The following TM2D3 variants were observed in gnomAD, a reference collection of about 807,000 sequenced individuals.
The protein encoded by TM2D3 is TM2 domain containing 3.
A neutral mutation model predicts 27.3 loss-of-function variants in TM2D3; 33 were observed. The ratio of observed to expected loss-of-function variants is 1.21; its 90% CI spans 0.92 to 1.61. The LOEUF (loss-of-function observed/expected upper bound fraction) is 1.61, where lower values mean the gene tolerates loss of function less well. Ranked by LOEUF, TM2D3 falls within the 40% of genes most tolerant of loss-of-function variation. The pLI, the probability that TM2D3 is intolerant of heterozygous loss-of-function variation, is 0.00. For synonymous variants in TM2D3, 138 were observed against 122.2 expected (o/e 1.13, Z -0.85); for missense variants, 364 against 320.8 (o/e 1.13, Z -1.03).
chr15:101,646,434 T>C (rs1056646993), intron 4 of TM2D3: 46 of 182,716 alleles, frequency 2.5e-4, no homozygotes, highest in Non-Finnish European at 4.6e-4. Context: ...GCCGCAATGG[T>C]ATTGGTGCTG....
At chr15:101,643,484 C>T (rs1896720325) in intron 5 of TM2D3, among the ~76,000 whole-genome samples, 1 of 151,672 alleles carries the variant, frequency 6.6e-6, no homozygotes, top group Non-Finnish European at 1.5e-5. Flanking sequence ...CGCCTGTAGT[C>T]CCAGCTGCTC....
intron 4 of TM2D3, 100 bp from the exon 5 acceptor site, chr15:101,645,262 A>G: frequency 1.0e-6 from 1 of 991,018 alleles, no homozygotes; most frequent in Non-Finnish European, 1.5e-6. Context: ...GTGAAAAGTC[A>G]ACTCTCTTTA....
chr15:101,642,342 TCTTAC>T lies in TM2D3; in HGVS notation c.*132_*136del. On this transcript the variant is annotated 3_prime_UTR_variant, in exon 6 of 6. Coordinates refer to ENST00000333202, the MANE Select transcript of TM2D3 (RefSeq NM_078474.3). ...TTAGCATAGTTCAGCGTTTCATTTA[TCTTAC>T]CTTTATCAAGGCAAACAAAGTACAG... 7.4e-7 allele frequency: 1 copy of T among 1,347,456 alleles called. No individual in the cohort carries two copies. The highest frequency in any genetic ancestry group is 9.6e-7 in the Non-Finnish European group (1 of 1,046,306). 83.5% of individuals were successfully genotyped at this position (1,347,456 alleles called of 1,614,324 possible).
intron 4 of TM2D3, 125 bp downstream of exon 4, chr15:101,646,600 A>G: frequency 1.0e-6 from 1 of 996,348 alleles, no homozygotes. Flanking sequence ...TGCTTGGCAC[A>G]TCTAAAGAGC....
chr15:101,638,792 T>C (rs1307605293), downstream of TM2D3, among the ~76,000 whole-genome samples: 1 of 152,190 alleles, frequency 6.6e-6, no homozygotes, highest in Non-Finnish European at 1.5e-5. Flanking sequence ...GGTGCTGGCT[T>C]TTCCTACAGT....
chr15:101,636,386 G>A (rs2141356076), intron 4 of TM2D3: 1 of 152,270 alleles, frequency 6.6e-6, no homozygotes, highest in Non-Finnish European at 1.5e-5. Context: ...CTTTTATAAA[G>A]ACAAAAAGGA....
downstream of TM2D3, chr15:101,641,701 A>G (rs1490242918): frequency 1.0e-5 from 2 of 196,098 alleles, no homozygotes; most frequent in Non-Finnish European, 1.8e-5. Flanking sequence ...ACATTTATAT[A>G]TTTCCACTGT....
downstream of TM2D3, chr15:101,636,999 C>T (rs576248356): frequency 2.8e-4 from 95 of 333,434 alleles, no homozygotes; most frequent in Middle Eastern, 1.9e-3. Context: ...TCAAGAGGTC[C>T]TAAGAACATG....
chr15:101,643,790 C>T (rs1896733908), intron 5 of TM2D3, among the ~76,000 whole-genome samples: 1 of 151,858 alleles, frequency 6.6e-6, no homozygotes. Flanking sequence ...TTCCAAGTTT[C>T]AAACATTTAT....
Position 101,650,179 on chromosome 15 carries a change from G to A in TM2D3, c.170-18C>T, listed in dbSNP as rs62027585. ...AGTACTTTCTGTGAGAGGCAAGAGA[G>A]AAGCTTATTCTCCTATAATACTGAT... On this transcript the variant is annotated intron_variant, in intron 2 of 5. Coordinates refer to ENST00000333202, the MANE Select transcript of TM2D3 (RefSeq NM_078474.3). 71,023 of 1,609,376 alleles carry A rather than the reference G, an allele frequency of 0.044. 1,833 individuals carry two copies. Among genetic ancestry groups the A allele is most frequent in the Non-Finnish European group, 0.052 (61,665 of 1,177,530 alleles).
chr15:101,640,003 A>C (rs1305213835), downstream of TM2D3, among the ~76,000 whole-genome samples: 3 of 152,210 alleles, frequency 2.0e-5, no homozygotes, highest in African/African-American at 7.2e-5. Flanking sequence ...TCTTAAGGGG[A>C]AATCATGACA....
chr15:101,641,270 C>T (rs903475110), downstream of TM2D3, among the ~76,000 whole-genome samples: 6 of 107,758 alleles, frequency 5.6e-5, no homozygotes, highest in Non-Finnish European at 1.1e-4. Context: ...ACAAGTTCCT[C>T]GTAAACAAAA....
At chr15:101,646,609 G>A in intron 4 of TM2D3, 116 bp downstream of exon 4, 1 of 1,087,680 alleles carries the variant, frequency 9.2e-7, no homozygotes, top group Non-Finnish European at 1.4e-6. Flanking sequence ...CATCTAAAGA[G>A]CTGCTGATAA....
chr15:101,634,142 G>A (rs895952395), intron 4 of TM2D3: 3 of 154,562 alleles, frequency 1.9e-5, no homozygotes, highest in African/African-American at 7.2e-5. Context: ...CAATAGAAAT[G>A]TCCAGTCTGG....
intron 1 of TM2D3, chr15:101,651,975 A>G (rs1427795523): frequency 3.3e-6 from 2 of 603,892 alleles, no homozygotes; most frequent in Non-Finnish European, 5.8e-6. Context: ...GCAACGAGGG[A>G]CCGAAGGATG....
intron 4 of TM2D3, chr15:101,635,532 CAG>C: frequency 6.6e-6 from 1 of 152,232 alleles, no homozygotes; most frequent in East Asian, 1.9e-4. Flanking sequence ...TTGTGTGAAA[CAG>C]TGAATAAAGC....
In TM2D3 at chr15:101,650,257, T is replaced by C. The variant is rs912526771; in HGVS notation, c.170-96A>G. On this transcript the variant is annotated intron_variant, in intron 2 of 5. Transcript: ENST00000333202. ...GTTAAGAGACGTGATCATTAGCAAG[T>C]AGACACTGCACTGGAAGGGAAGAAG... is the stretch of plus-strand genomic sequence containing the variant. The C allele has an allele frequency of 5.6e-6, 7 of 1,245,804 alleles. 1 individual carries two copies. The South Asian group carries it at 7.4e-5, about 13-fold the overall frequency. The allele number at this position is 1,245,804 out of a possible 1,614,324, so 77.2% of individuals were successfully genotyped here.
chr15:101,641,567 C>T (rs760804921), downstream of TM2D3, among the ~76,000 whole-genome samples: 3 of 152,114 alleles, frequency 2.0e-5, no homozygotes, highest in African/African-American at 7.2e-5. Context: ...ACTCAGATAC[C>T]CACATTTGAA....
intron 5 of TM2D3, among the ~76,000 whole-genome samples, chr15:101,643,057 A>G (rs1430589659): frequency 6.6e-6 from 1 of 152,132 alleles, no homozygotes; most frequent in Admixed American, 6.5e-5. Flanking sequence ...ATTCATCTCT[A>G]AAATCTTAAT....
Sources: allele counts gnomAD v4.1 joint callset (sites outside exome capture counted in the v4.1 genomes callset), GRCh38; gene constraint gnomAD v4.1.1; transcripts MANE v1.5; gene names NCBI Gene and HGNC (gene_info 2026-07-23, HGNC 2026-07-21).